Variants in KIAA1549 observed in about 807,000 individuals in gnomAD.
The protein encoded by KIAA1549 is UPF0606 protein KIAA1549.
KIAA1549 carries 70 observed loss-of-function variants against 156.4 expected under a neutral mutation model. The ratio of observed to expected loss-of-function variants is 0.45; its 90% confidence interval spans 0.37 to 0.55. KIAA1549 has a LOEUF of 0.55. Among genes scored for constraint, KIAA1549 ranks in the 20% least tolerant of loss-of-function variants. The pLI, the probability that KIAA1549 is intolerant of heterozygous loss-of-function variation, is 0.00. For synonymous variants in KIAA1549, 1,103 were observed against 1,066.4 expected, an observed-to-expected ratio of 1.03 and a Z score of -0.67; for missense variants, 2,428 against 2,540.9, an observed-to-expected ratio of 0.96 and a Z score of 0.96.
intron 13 of KIAA1549, among the ~76,000 whole-genome samples, chr7:138,870,937 C>T (rs958023863): frequency 3.3e-5 from 5 of 152,134 alleles, no homozygotes; most frequent in Admixed American, 6.5e-5. Flanking sequence ...CCTGCCTCAG[C>T]CTCCTGAGCA....
chr7:138,849,083 T>C (rs1023546875), intron 17 of KIAA1549, among the ~76,000 whole-genome samples: 3 of 152,188 alleles, frequency 2.0e-5, no homozygotes, highest in Non-Finnish European at 4.4e-5. Flanking sequence ...TTAATGTCTG[T>C]AAGATCTGGA....
rs377335952 is a variant in KIAA1549 at position 138,837,874 on chromosome 7, G to A, written c.*32C>T. The A allele has an allele frequency of 1.6e-5, 26 of 1,604,848 alleles. No homozygotes were observed. The highest frequency in any genetic ancestry group is 1.0e-4 in the South Asian group (9 of 89,172). ...TTTTGGTCTTGCTTCCACAGGAAGC[G>A]GATACTTGGCAAATCTGCGAGGCGA... On this transcript the variant is annotated 3_prime_UTR_variant, in exon 20 of 20. Transcript: ENST00000422774.
intron 10 of KIAA1549, among the ~76,000 whole-genome samples, chr7:138,890,617 G>A (rs1016616300): frequency 7.2e-5 from 11 of 152,242 alleles, no homozygotes; most frequent in African/African-American, 2.7e-4. Context: ...TCAGCCAGCT[G>A]TGGGTGAACT....
At chr7:138,870,784 CAA>C (rs1438028002) in intron 13 of KIAA1549, among the ~76,000 whole-genome samples, 1 of 152,206 alleles carries the variant, frequency 6.6e-6, no homozygotes, top group African/African-American at 2.4e-5. Context: ...CACTCATTTT[CAA>C]ACACAGACCC....
rs191728209 is a variant in KIAA1549, at chr7:138,919,164, G to C, written c.462C>G (p.Asp154Glu). ...CTGGCAGAAAGTTATCCATCTCATC[G>C]TCATTGACGGCCACCTCTTTACTCG... The part of the protein sequence containing the change: ...SVTSKEVAVN[D>E]DEMDNFLPDT... Residue 154 changes from aspartate to glutamate, a missense_variant, in exon 2 of 20, where the codon GAC becomes GAG. Asp to Glu is a conservative substitution (Grantham distance 45). Transcript: ENST00000422774. 215 of 1,614,008 alleles carry C rather than the reference G, an allele frequency of 1.3e-4. No individual in the cohort carries two copies. The East Asian group carries it at 4.0e-3, about 30-fold the overall frequency.
intron 1 of KIAA1549, among the ~76,000 whole-genome samples, chr7:138,977,557 G>T (rs1216975820): frequency 6.6e-6 from 1 of 151,862 alleles, no homozygotes; most frequent in South Asian, 2.1e-4. Flanking sequence ...ACCTACTAGG[G>T]GCCCAGCATT....
intron 1 of KIAA1549, among the ~76,000 whole-genome samples, chr7:138,936,652 G>A (rs1388684339): frequency 2.6e-5 from 4 of 152,078 alleles, no homozygotes; most frequent in Non-Finnish European, 5.9e-5. Context: ...CATATGCAAA[G>A]GGTGGCAGCA....
intron 1 of KIAA1549, among the ~76,000 whole-genome samples, chr7:138,926,540 C>T (rs1400698151): frequency 1.3e-5 from 2 of 152,186 alleles, no homozygotes; most frequent in African/African-American, 4.8e-5. Context: ...CTGTCTCGGT[C>T]TCCCAAAGTG....
intron 1 of KIAA1549, among the ~76,000 whole-genome samples, chr7:138,923,013 AAG>A (rs1233519231): frequency 6.6e-6 from 1 of 152,190 alleles, no homozygotes; most frequent in African/African-American, 2.4e-5. Flanking sequence ...ACCAAAGACA[AAG>A]AGAAATTGTA....
intron 16 of KIAA1549, among the ~76,000 whole-genome samples, chr7:138,853,635 C>A (rs1447146955): frequency 6.6e-6 from 1 of 152,310 alleles, no homozygotes; most frequent in Admixed American, 6.5e-5. Context: ...GGTCAGATTA[C>A]TTCACCTTCT....
At chr7:138,874,823 G>A (rs1364235904) in intron 12 of KIAA1549, among the ~76,000 whole-genome samples, 1 of 152,034 alleles carries the variant, frequency 6.6e-6, no homozygotes, top group African/African-American at 2.4e-5. Flanking sequence ...AGGCAACATG[G>A]CGTAACCCCA....
At chr7:138,915,502 G>A (rs1039961047) in intron 2 of KIAA1549, among the ~76,000 whole-genome samples, 2 of 151,924 alleles carry the variant, frequency 1.3e-5, no homozygotes, top group Admixed American at 1.3e-4. Flanking sequence ...CCACAGGTAG[G>A]GTGTTGATCA....
In KIAA1549 at chr7:138,917,216, A is replaced by C; in HGVS notation, c.2410T>G (p.Leu804Val). ...TCAGGAGGTGTCAGAGTTGAGAACA[A>C]AGAAGACTCAGTTAAAATGGGCGTT... ...HTTPILTESS[L>V]FSTLTPPDDQ... Residue 804 changes from leucine to valine, a missense_variant, in exon 2 of 20, where the codon TTG becomes GTG. Physicochemically the swap from Leu to Val is conservative, Grantham distance 32. Coordinates refer to ENST00000422774, the MANE Select transcript of KIAA1549 (RefSeq NM_001164665.2). The C allele has an allele frequency of 6.2e-7, 1 of 1,613,976 alleles. No individual in the cohort carries two copies. The highest frequency in any genetic ancestry group is 2.2e-5 in the East Asian group (1 of 44,882).
intron 1 of KIAA1549, among the ~76,000 whole-genome samples, chr7:138,947,298 G>A (rs1386910411): frequency 6.6e-6 from 1 of 152,182 alleles, no homozygotes; most frequent in Non-Finnish European, 1.5e-5. Context: ...TCTGGGAGAA[G>A]CACCTTCCGT....
chr7:138,906,335 T>C (rs149653450), intron 6 of KIAA1549, among the ~76,000 whole-genome samples: 23 of 152,336 alleles, frequency 1.5e-4, no homozygotes, highest in East Asian at 3.9e-4. Context: ...TGGATGATGA[T>C]GCAGGTTCAA....
intron 12 of KIAA1549, 78 bp downstream of exon 12, chr7:138,879,460 T>C: frequency 1.2e-6 from 1 of 819,044 alleles, no homozygotes; most frequent in Non-Finnish European, 1.9e-6. Context: ...GGTTTAGCAT[T>C]TGAAATACTG....
chr7:138,974,994 C>CT (rs1349354897), intron 1 of KIAA1549, among the ~76,000 whole-genome samples: 1 of 152,072 alleles, frequency 6.6e-6, no homozygotes, highest in Non-Finnish European at 1.5e-5. Context: ...TAGCCCAGTG[C>CT]TTCCCAAACC....
chr7:138,921,702 T>C (rs913690242), intron 1 of KIAA1549, among the ~76,000 whole-genome samples: 3 of 151,826 alleles, frequency 2.0e-5, no homozygotes, highest in African/African-American at 7.3e-5. Flanking sequence ...CCATCTCCAC[T>C]AAAAATACAA....
At chr7:138,916,627 G>A in intron 2 of KIAA1549, 121 bp downstream of exon 2, 2 of 1,465,698 alleles carry the variant, frequency 1.4e-6, no homozygotes, top group East Asian at 2.5e-5. Flanking sequence ...TACTACCTGG[G>A]AGTTAACTGA....
Sources: gnomAD v4.1 joint callset for allele counts (sites outside exome capture counted in the v4.1 genomes callset) on GRCh38, gnomAD v4.1.1 for gene constraint, MANE v1.5 for transcripts, NCBI Gene and HGNC (gene_info 2026-07-23, HGNC 2026-07-21) for gene names.